RORA: variants seen among roughly 807,000 people sequenced by gnomAD.
RORA encodes the protein nuclear receptor ROR-alpha.
In RORA, 7 loss-of-function variants were observed where a neutral mutation model predicts 69.5. That is an observed-to-expected ratio of 0.10 (90% confidence interval 0.06 to 0.19). The LOEUF is 0.19. RORA is among the 10% of genes least tolerant of loss of function. The probability of loss-of-function intolerance (pLI) is 1.00; values close to 1 mark genes in which losing one functional copy is unlikely to be tolerated. For synonymous variants in RORA, 261 were observed against 240.8 expected, an observed-to-expected ratio of 1.08 and a Z score of -0.78; for missense variants, 457 against 663.0, an observed-to-expected ratio of 0.69 and a Z score of 3.41.
At chr15:60,595,910 G>A (rs1350483953) in intron 2 of RORA, among the ~76,000 whole-genome samples, 2 of 152,128 alleles carry the variant, frequency 1.3e-5, no homozygotes, top group Non-Finnish European at 2.9e-5. Flanking sequence ...TGTGTGCTGG[G>A]TTCCACACTG....
At chr15:61,045,610 T>G (rs782942) in intron 1 of RORA, among the ~76,000 whole-genome samples, 150,379 of 152,168 alleles carry the variant, frequency 0.99, 74,344 homozygotes, top group Middle Eastern at 1. Context: ...ATCCAAGGGG[T>G]GTACCAGGTA....
chr15:60,725,980 GCA>G (rs1193723716), intron 1 of RORA, among the ~76,000 whole-genome samples: 1 of 152,038 alleles, frequency 6.6e-6, no homozygotes, highest in African/African-American at 2.4e-5. Flanking sequence ...GGTTTGGGGG[GCA>G]CACAACATTT....
chr15:60,969,863 T>C (rs1176443855), intron 1 of RORA, among the ~76,000 whole-genome samples: 7 of 152,192 alleles, frequency 4.6e-5, no homozygotes, highest in East Asian at 3.8e-4. Flanking sequence ...GGAAGCCCCA[T>C]TGTGGCTGTA....
chr15:60,815,155 A>G (rs1385581454), intron 1 of RORA, among the ~76,000 whole-genome samples: 1 of 152,178 alleles, frequency 6.6e-6, no homozygotes, highest in African/African-American at 2.4e-5. Flanking sequence ...AGGAGTGGCC[A>G]GGTTTAATTA....
intron 2 of RORA, among the ~76,000 whole-genome samples, chr15:60,599,146 G>C (rs947886408): frequency 5.3e-5 from 8 of 152,252 alleles, no homozygotes; most frequent in African/African-American, 1.9e-4. Flanking sequence ...GAAACTTTAA[G>C]AGAAGGAGGA....
At chr15:60,749,451 C>G (rs2071692405) in intron 1 of RORA, among the ~76,000 whole-genome samples, 1 of 152,016 alleles carries the variant, frequency 6.6e-6, no homozygotes, top group Admixed American at 6.6e-5. Flanking sequence ...GATATGTAGT[C>G]AAATATTGAA....
chr15:60,955,417 A>T (rs1893238114), intron 1 of RORA, among the ~76,000 whole-genome samples: 1 of 152,260 alleles, frequency 6.6e-6, no homozygotes, highest in Non-Finnish European at 1.5e-5. Context: ...CATACAAAAC[A>T]TATAGTATAT....
At chr15:60,542,704 GCACACCTCCCA>G in intron 2 of RORA, among the ~76,000 whole-genome samples, 2 of 141,342 alleles carry the variant, frequency 1.4e-5, no homozygotes, top group African/African-American at 5.6e-5. Context: ...CGGCACACGG[GCACACCTCCCA>G]CACACGGCAC....
At chr15:61,145,878 G>T (rs1326599262) in intron 1 of RORA, among the ~76,000 whole-genome samples, 1 of 151,946 alleles carries the variant, frequency 6.6e-6, no homozygotes, top group Non-Finnish European at 1.5e-5. Flanking sequence ...CCTATCTTAG[G>T]GCCCATTATA....
intron 1 of RORA, among the ~76,000 whole-genome samples, chr15:61,160,470 G>A (rs2079485037): frequency 6.6e-6 from 1 of 151,972 alleles, no homozygotes; most frequent in South Asian, 2.1e-4. Flanking sequence ...CAGTAAATAT[G>A]TTTATTCTTA....
intron 1 of RORA, among the ~76,000 whole-genome samples, chr15:61,052,655 C>T (rs143065558): frequency 2.3e-4 from 35 of 152,254 alleles, no homozygotes; most frequent in African/African-American, 8.2e-4. Context: ...ATTCTGAGAG[C>T]GCATTTTGAG....
At chr15:61,054,378 CTA>C (rs1408915431) in intron 1 of RORA, among the ~76,000 whole-genome samples, 1 of 151,784 alleles carries the variant, frequency 6.6e-6, no homozygotes. Context: ...GTTAGCACAG[CTA>C]TACTCTTCTT....
intron 1 of RORA, among the ~76,000 whole-genome samples, chr15:60,766,759 C>A (rs1470535027): frequency 1.3e-5 from 2 of 151,852 alleles, no homozygotes. Flanking sequence ...TGGGCTTGTG[C>A]TATGGCATTG....
At chr15:61,130,710 A>G (rs1175537815) in intron 1 of RORA, among the ~76,000 whole-genome samples, 1 of 152,134 alleles carries the variant, frequency 6.6e-6, no homozygotes, top group African/African-American at 2.4e-5. Flanking sequence ...CAGTACTTGG[A>G]GCAGAAGTAC....
At chr15:60,615,973 G>T (rs1007280583) in intron 2 of RORA, among the ~76,000 whole-genome samples, 16 of 152,120 alleles carry the variant, frequency 1.1e-4, no homozygotes, top group Admixed American at 2.0e-4. Context: ...TCATTTGGGG[G>T]GTGCTGAATT....
chr15:60,595,130 T>C (rs559245061), intron 2 of RORA, among the ~76,000 whole-genome samples: 12 of 152,248 alleles, frequency 7.9e-5, no homozygotes, highest in African/African-American at 2.9e-4. Context: ...ATCTCCCATA[T>C]TGAAGGGACA....
At chr15:61,172,262 C>T (rs1016539514) in intron 1 of RORA, among the ~76,000 whole-genome samples, 6 of 152,134 alleles carry the variant, frequency 3.9e-5, no homozygotes, top group Admixed American at 1.3e-4. Flanking sequence ...AATCCATATA[C>T]GAAATGACAA....
chr15:60,941,909 T>TA (rs11427020), intron 1 of RORA, among the ~76,000 whole-genome samples: 7 of 151,824 alleles, frequency 4.6e-5, no homozygotes, highest in Admixed American at 3.3e-4. Flanking sequence ...AAATAGTTTT[T>TA]AAAAGCAGAC....
chr15:60,900,949 A>T, intron 1 of RORA, among the ~76,000 whole-genome samples: 1 of 152,132 alleles, frequency 6.6e-6, no homozygotes, highest in Admixed American at 6.5e-5. Flanking sequence ...ATAAGGTTAC[A>T]TGTAAAGTAT....
Sources: gnomAD v4.1 joint callset for allele counts (sites outside exome capture counted in the v4.1 genomes callset) on GRCh38, gnomAD v4.1.1 for gene constraint, MANE v1.5 for transcripts, NCBI Gene and HGNC (gene_info 2026-07-23, HGNC 2026-07-21) for gene names.